The following UXS1 variants were observed in gnomAD, a reference collection of about 807,000 sequenced individuals.
UXS1 encodes UDP-glucuronic acid decarboxylase 1.
UXS1 carries 33 observed loss-of-function variants against 62.6 expected under a neutral mutation model. The ratio of observed to expected loss-of-function variants is 0.53; its 90% CI spans 0.40 to 0.70. UXS1 has a LOEUF of 0.70. UXS1 is among the 30% of genes least tolerant of loss of function. The pLI is 0.00. For missense variants in UXS1, 434 were observed against 556.3 expected (o/e 0.78, Z 2.21); for synonymous variants, 213 against 206.8 (o/e 1.03, Z -0.26).
chr2:106,189,862 G>A (rs1008394681), intron 1 of UXS1, among the ~76,000 whole-genome samples: 6 of 152,228 alleles, frequency 3.9e-5, no homozygotes, highest in African/African-American at 1.4e-4. Flanking sequence ...TAAAGTCTCA[G>A]AATTCACTTC....
Position 106,097,710 on chromosome 2 carries a change from G to A in UXS1, c.1043-889C>T, listed in dbSNP as rs1026749033. On this transcript the variant is annotated intron_variant, in intron 13 of 14. Transcript: ENST00000283148. ...ACACATCTGATGATGCTGCTGCTGC[G>A]TTGGCCCACGGGCCTCACTCTGTGC... 2.1e-5 allele frequency: 4 copies of A among 192,116 alleles called. No homozygotes were observed. In the East Asian group the frequency reaches 4.4e-4, roughly 21 times the overall value. The allele number at this position is 192,116 out of a possible 1,614,324, so 11.9% of individuals were successfully genotyped here. A position where few individuals can be genotyped will look rare whatever the true frequency, so the allele number is the denominator to read the frequency against.
At position 106,104,805 on chromosome 2, in the gene UXS1, G is replaced by T. The variant is rs1195727336; in HGVS notation, c.912C>A (p.Phe304Leu). 6.2e-7 allele frequency: 1 copy of T among 1,613,986 alleles called. No homozygotes were observed. The highest frequency in any genetic ancestry group is 2.2e-5 in the East Asian group (1 of 44,882). The part of the protein sequence containing the change: ...VYGSGSQTRA[F>L]QYVSDLVNGL... ...CAGGACAGTCTTACCTGACGTACTG[G>T]AACGCCCTTGTCTGAGACCCGGATC... Residue 304 changes from phenylalanine (F) to leucine (L), a missense_variant, in exon 11 of 15, where the codon TTC becomes TTA. Around this residue, in one of 3 missense-constraint regions of UXS1, gnomAD observed 209 missense variants for 233.3 expected, o/e 0.90. Coordinates refer to ENST00000283148, the MANE Select transcript of UXS1 (RefSeq NM_001253875.2).
At chr2:106,155,849 C>T (rs537258181) in intron 5 of UXS1, among the ~76,000 whole-genome samples, 7 of 152,200 alleles carry the variant, frequency 4.6e-5, no homozygotes, top group Middle Eastern at 3.4e-3. Context: ...GCTGGACAAC[C>T]GGACAGCCAT....
intron 1 of UXS1, among the ~76,000 whole-genome samples, chr2:106,171,608 T>G (rs1320236676): frequency 3.9e-5 from 6 of 152,242 alleles, no homozygotes; most frequent in African/African-American, 1.2e-4. Context: ...AGTCCCTGAA[T>G]GCCAGGCCAC....
At chr2:106,174,092 G>C (rs1191730913) in intron 1 of UXS1, among the ~76,000 whole-genome samples, 7 of 151,994 alleles carry the variant, frequency 4.6e-5, no homozygotes, top group African/African-American at 1.5e-4. Flanking sequence ...AGAGGATTGG[G>C]GGGGGCGGGG....
At chr2:106,184,417 T>A (rs893045545) in intron 1 of UXS1, among the ~76,000 whole-genome samples, 1 of 152,228 alleles carries the variant, frequency 6.6e-6, no homozygotes, top group African/African-American at 2.4e-5. Flanking sequence ...CAACTTCACA[T>A]CAGACATGTT....
intron 9 of UXS1, among the ~76,000 whole-genome samples, chr2:106,119,429 A>T (rs1350232596): frequency 6.6e-6 from 1 of 151,944 alleles, no homozygotes; most frequent in Non-Finnish European, 1.5e-5. Context: ...TGGGCTGACC[A>T]CTCCCACCTG....
At chr2:106,125,579 A>G in intron 8 of UXS1, 41 bp downstream of exon 8, 1 of 1,515,558 alleles carries the variant, frequency 6.6e-7, no homozygotes. Flanking sequence ...AAACAGTCCA[A>G]GGGCTGGAGT....
At chr2:106,100,167 G>A (rs1677475295) in intron 12 of UXS1, among the ~76,000 whole-genome samples, 1 of 152,186 alleles carries the variant, frequency 6.6e-6, no homozygotes, top group African/African-American at 2.4e-5. Flanking sequence ...AGGTTCTTGT[G>A]TCCACTGCCA....
chr2:106,154,601 G>C (rs1682286367), intron 5 of UXS1, among the ~76,000 whole-genome samples: 1 of 152,142 alleles, frequency 6.6e-6, no homozygotes, highest in South Asian at 2.1e-4. Flanking sequence ...GCCTTCAGAG[G>C]GGCATAGGCA....
intron 1 of UXS1, among the ~76,000 whole-genome samples, chr2:106,190,028 C>T (rs1483124416): frequency 6.6e-6 from 1 of 152,140 alleles, no homozygotes; most frequent in East Asian, 1.9e-4. Context: ...CAGTAGAAGG[C>T]CCCGGGGCCC....
chr2:106,169,348 A>G (rs980483098), intron 1 of UXS1, among the ~76,000 whole-genome samples: 1 of 152,142 alleles, frequency 6.6e-6, no homozygotes, highest in Non-Finnish European at 1.5e-5. Flanking sequence ...AAATCATTCC[A>G]TCGTTATTTG....
chr2:106,143,065 A>G (rs1681249194), intron 6 of UXS1, among the ~76,000 whole-genome samples: 1 of 152,078 alleles, frequency 6.6e-6, no homozygotes, highest in Non-Finnish European at 1.5e-5. Context: ...CTGGCTTCTC[A>G]GTGGTACTGA....
chr2:106,160,638 G>A (rs1682826474), intron 4 of UXS1: 1 of 152,204 alleles, frequency 6.6e-6, no homozygotes, highest in Non-Finnish European at 1.5e-5. Flanking sequence ...GTCCCTATCT[G>A]AAAGCTTAAA....
At chr2:106,127,275 GT>G (rs1477424968) in intron 7 of UXS1, among the ~76,000 whole-genome samples, 1 of 152,126 alleles carries the variant, frequency 6.6e-6, no homozygotes, top group African/African-American at 2.4e-5. Context: ...CAATTACTGA[GT>G]CTTACAGTAG....
At chr2:106,155,758 T>A (rs1682372835) in intron 5 of UXS1, among the ~76,000 whole-genome samples, 1 of 152,226 alleles carries the variant, frequency 6.6e-6, no homozygotes, top group African/African-American at 2.4e-5. Flanking sequence ...GATGCTTGAC[T>A]GTACATTTAC....
Position 106,116,110 on chromosome 2 carries a change from G to C in UXS1, c.760-3345C>G, listed in dbSNP as rs138642845. ...GAGACGTGGAGCCAACTAACAGCAG[G>C]CCTGACAGGCAAGAGGTGACCCAAG... is the stretch of plus-strand genomic sequence containing the variant. On this transcript the variant is annotated intron_variant, in intron 9 of 14. Transcript: ENST00000283148. Among the ~76,000 whole-genome samples the C allele has an allele frequency of 6.2e-3, 949 of 152,286 alleles. 10 individuals are homozygous for C. The highest frequency in any genetic ancestry group is 0.021 in the African/African-American group (880 of 41,546).
intron 1 of UXS1, among the ~76,000 whole-genome samples, chr2:106,180,419 T>C: frequency 6.6e-6 from 1 of 152,180 alleles, no homozygotes; most frequent in African/African-American, 2.4e-5. Flanking sequence ...CCAAGTACCT[T>C]CCCAGGTTCT....
At chr2:106,162,165 C>T (rs1309694789) in intron 4 of UXS1, among the ~76,000 whole-genome samples, 1 of 152,154 alleles carries the variant, frequency 6.6e-6, no homozygotes, top group Non-Finnish European at 1.5e-5. Context: ...CGGAACCATT[C>T]CAGAATGAGT....
Sources: gnomAD v4.1 joint callset for allele counts (sites outside exome capture counted in the v4.1 genomes callset) on GRCh38, gnomAD v4.1.1 for gene constraint, gnomAD v4.1.1 regional missense constraint, MANE v1.5 for transcripts, NCBI Gene and HGNC (gene_info 2026-07-23, HGNC 2026-07-21) for gene names.